ARSB: variants seen among roughly 807,000 people sequenced by gnomAD.
The protein encoded by ARSB is N-acetylgalactosamine-4-sulfatase.
A neutral mutation model predicts 50.9 loss-of-function variants in ARSB; 41 were observed. The ratio of observed to expected loss-of-function variants is 0.81; its 90% confidence interval spans 0.63 to 1.04. The LOEUF is 1.04. ARSB is among the 50% of genes least tolerant of loss of function. The pLI is 0.00. For missense variants in ARSB, 672 were observed against 693.3 expected, an observed-to-expected ratio of 0.97 and a Z score of 0.35; for synonymous variants, 269 against 284.8, an observed-to-expected ratio of 0.94 and a Z score of 0.56.
intron 6 of ARSB, among the ~76,000 whole-genome samples, chr5:78,783,934 T>C (rs955447932): frequency 6.6e-6 from 1 of 152,174 alleles, no homozygotes; most frequent in Non-Finnish European, 1.5e-5. Context: ...CAAAGAATAA[T>C]ATGACTAACA....
At chr5:78,953,664 C>G (rs1751580218) in intron 4 of ARSB, among the ~76,000 whole-genome samples, 1 of 152,200 alleles carries the variant, frequency 6.6e-6, no homozygotes, top group South Asian at 2.1e-4. Flanking sequence ...CACCAGATGA[C>G]AAGCCCTGAC....
At chr5:78,914,017 C>T (rs557148301) in intron 4 of ARSB, among the ~76,000 whole-genome samples, 6 of 147,826 alleles carry the variant, frequency 4.1e-5, no homozygotes, top group South Asian at 2.1e-4. Flanking sequence ...GGCAGGAGTG[C>T]GGTGGTGCAA....
intron 5 of ARSB, chr5:78,884,295 T>A (rs965531704): frequency 1.3e-5 from 2 of 152,180 alleles, no homozygotes; most frequent in African/African-American, 4.8e-5. Context: ...AAAGAATACT[T>A]ATGCACCTTA....
At chr5:78,909,496 C>T (rs1322167141) in intron 4 of ARSB, among the ~76,000 whole-genome samples, 5 of 152,130 alleles carry the variant, frequency 3.3e-5, no homozygotes, top group Admixed American at 6.5e-5. Flanking sequence ...TGTAACTTTG[C>T]CCCAACCTTG....
chr5:78,950,750 T>G (rs189802638), intron 4 of ARSB, among the ~76,000 whole-genome samples: 6 of 151,980 alleles, frequency 3.9e-5, no homozygotes, highest in East Asian at 1.9e-4. Context: ...AGCTGCAGAT[T>G]TGAGAAGGAA....
chr5:78,864,313 G>A (rs967920727), intron 5 of ARSB, among the ~76,000 whole-genome samples: 1 of 152,192 alleles, frequency 6.6e-6, no homozygotes, highest in Non-Finnish European at 1.5e-5. Context: ...AAGGCAAGGA[G>A]GAGCAAGTCC....
At chr5:78,940,223 C>T (rs1487064634) in intron 4 of ARSB, among the ~76,000 whole-genome samples, 1 of 152,064 alleles carries the variant, frequency 6.6e-6, no homozygotes, top group Non-Finnish European at 1.5e-5. Context: ...TTCTACCATT[C>T]TGAAGGTTGC....
intron 5 of ARSB, among the ~76,000 whole-genome samples, chr5:78,847,786 C>T (rs1745513926): frequency 6.6e-6 from 1 of 152,108 alleles, no homozygotes; most frequent in Admixed American, 6.6e-5. Context: ...TTGGTTCAAT[C>T]ATGGCACATT....
At chr5:78,849,504 C>A (rs934247588) in intron 5 of ARSB, among the ~76,000 whole-genome samples, 1 of 151,838 alleles carries the variant, frequency 6.6e-6, no homozygotes, top group Admixed American at 6.6e-5. Context: ...TAGCGTGATG[C>A]CTCCAGCTTT....
intron 5 of ARSB, among the ~76,000 whole-genome samples, chr5:78,846,439 T>C (rs1745446093): frequency 6.6e-6 from 1 of 152,184 alleles, no homozygotes; most frequent in African/African-American, 2.4e-5. Flanking sequence ...TAGATAGGGA[T>C]TGCATTGACT....
At chr5:78,813,286 A>C (rs1463643107) in intron 6 of ARSB, among the ~76,000 whole-genome samples, 1 of 150,520 alleles carries the variant, frequency 6.6e-6, no homozygotes, top group Non-Finnish European at 1.5e-5. Context: ...CTAGTCTTGA[A>C]CTCCTGACCT....
intron 4 of ARSB, among the ~76,000 whole-genome samples, chr5:78,944,050 T>G (rs959341892): frequency 4.6e-5 from 7 of 152,248 alleles, no homozygotes; most frequent in Non-Finnish European, 1.0e-4. Flanking sequence ...ACTGATACCC[T>G]TTCTTCCAGT....
intron 6 of ARSB, chr5:78,816,183 G>A: frequency 6.2e-7 from 1 of 1,613,268 alleles, no homozygotes; most frequent in Non-Finnish European, 8.5e-7. Flanking sequence ...TATCAGGACT[G>A]CATTTCTAGT....
chr5:78,875,147 A>T (rs2112170365), intron 5 of ARSB, among the ~76,000 whole-genome samples: 1 of 152,186 alleles, frequency 6.6e-6, no homozygotes, highest in Admixed American at 6.5e-5. Context: ...GAAATAATAC[A>T]AAGCATTTCA....
At chr5:78,960,966 G>T (rs184440612) in intron 3 of ARSB, among the ~76,000 whole-genome samples, 2 of 152,234 alleles carry the variant, frequency 1.3e-5, no homozygotes, top group Admixed American at 6.5e-5. Flanking sequence ...GAGAAAGAAG[G>T]TTCCTTCTTA....
rs573070464 is a variant in ARSB at position 78,900,313 on chromosome 5, T to G, written c.899-14486A>C. Reference sequence around the variant, plus strand: ...GGTAGTCTCACCTTCTGACCTTTGTTGCAGCCTGTCCTCAGAGATATTTCT... The same window carrying G: ...GGTAGTCTCACCTTCTGACCTTTGTGGCAGCCTGTCCTCAGAGATATTTCT... On this transcript the variant is annotated intron_variant, in intron 4 of 7. Coordinates refer to ENST00000264914, the MANE Select transcript of ARSB (RefSeq NM_000046.5). 6.6e-5 allele frequency among the ~76,000 whole-genome samples: 10 copies of G among 152,284 alleles called. No individual in the cohort carries two copies. The South Asian group carries it at 8.3e-4, about 13-fold the overall frequency.
intron 4 of ARSB, among the ~76,000 whole-genome samples, chr5:78,944,491 C>G (rs1361675028): frequency 6.6e-6 from 1 of 152,206 alleles, no homozygotes; most frequent in African/African-American, 2.4e-5. Flanking sequence ...AGTTTTCCTT[C>G]TAACAGTCAG....
Position 78,807,055 on chromosome 5 carries a change from C to T in ARSB, c.1214-25081G>A, listed in dbSNP as rs193027988. On this transcript the variant is annotated intron_variant, in intron 6 of 7. Coordinates refer to ENST00000264914, the MANE Select transcript of ARSB (RefSeq NM_000046.5). ...AGGTGGGAAATGGCTGAGGACAATA[C>T]AGTGAGTGCAGAGCATTCCGTGTTG... 1.5e-4 allele frequency among the ~76,000 whole-genome samples: 23 copies of T among 152,292 alleles called. No homozygotes were observed. The East Asian group carries it at 3.3e-3, about 22-fold the overall frequency.
At chr5:78,802,917 A>G (rs1743446251) in intron 6 of ARSB, among the ~76,000 whole-genome samples, 1 of 152,236 alleles carries the variant, frequency 6.6e-6, no homozygotes, top group Non-Finnish European at 1.5e-5. Flanking sequence ...CTACTGCCAG[A>G]TTTAAGGGGT....
Sources: allele counts gnomAD v4.1 joint callset (sites outside exome capture counted in the v4.1 genomes callset), GRCh38; gene constraint gnomAD v4.1.1; transcripts MANE v1.5; gene names NCBI Gene and HGNC (gene_info 2026-07-23, HGNC 2026-07-21).